Variants in TOM1L1 observed in about 807,000 individuals in gnomAD.
TOM1L1 encodes target of myb1 like 1 membrane trafficking protein.
TOM1L1 carries 64 observed loss-of-function variants against 63.4 expected under a neutral mutation model. The ratio of observed to expected loss-of-function variants is 1.01; its 90% confidence interval spans 0.83 to 1.24. The LOEUF is 1.24. Among genes scored for constraint, TOM1L1 ranks in the 50% most tolerant of loss-of-function variants. The probability of loss-of-function intolerance (pLI) is 0.00; values close to 1 mark genes in which losing one functional copy is unlikely to be tolerated. For missense variants in TOM1L1, 536 were observed against 567.0 expected, an observed-to-expected ratio of 0.95 and a Z score of 0.55; for synonymous variants, 166 against 194.4, an observed-to-expected ratio of 0.85 and a Z score of 1.22.
chr17:54,914,666 A>G lies in TOM1L1; in HGVS notation c.526A>G (p.Thr176Ala). The part of the protein sequence containing the change: ...ETAQISSNPP[T>A]SVPTAPALSS... ...TGCTCAAATCTCATCAAATCCTCCAACATCTGTCCCTACTGCACCAGCTCT... is the reference window on the plus strand; with the variant it reads ...TGCTCAAATCTCATCAAATCCTCCAGCATCTGTCCCTACTGCACCAGCTCT... The change falls in exon 6 of 16, where the codon ACA becomes GCA. Residue 176 changes from threonine to alanine, a missense_variant. By Grantham distance (58) the Thr-to-Ala change is moderately conservative. Coordinates refer to ENST00000575882, the MANE Select transcript of TOM1L1 (RefSeq NM_005486.3). 1 of 1,613,846 alleles carries G rather than the reference A, an allele frequency of 6.2e-7. No individual in the cohort carries two copies. The highest frequency in any genetic ancestry group is 1.1e-5 in the South Asian group (1 of 91,082).
intron 8 of TOM1L1, among the ~76,000 whole-genome samples, chr17:54,932,063 TCCTGCCTCAG>T (rs2048871050): frequency 6.6e-6 from 1 of 151,858 alleles, no homozygotes; most frequent in African/African-American, 2.4e-5. Flanking sequence ...CAGGCGATTC[TCCTGCCTCAG>T]CCTGTAGCAG....
intron 1 of TOM1L1, among the ~76,000 whole-genome samples, chr17:54,901,967 C>T (rs1016043425): frequency 1.3e-5 from 2 of 152,082 alleles, no homozygotes; most frequent in Middle Eastern, 3.4e-3. Context: ...CATAGGCAAA[C>T]GAAACTTCAG....
At chr17:54,944,213 C>T (rs935163448) in intron 11 of TOM1L1, among the ~76,000 whole-genome samples, 3 of 151,138 alleles carry the variant, frequency 2.0e-5, no homozygotes, top group East Asian at 1.9e-4. Flanking sequence ...TTTGGGAGGA[C>T]GAGGTGGGTG....
intron 14 of TOM1L1, among the ~76,000 whole-genome samples, chr17:54,951,507 A>G (rs1177159579): frequency 6.6e-6 from 1 of 152,158 alleles, no homozygotes. Context: ...GGCAGGTGAA[A>G]GGAGGACTAG....
chr17:54,929,575 TCTG>T (rs1785716279), intron 7 of TOM1L1, among the ~76,000 whole-genome samples: 2 of 152,348 alleles, frequency 1.3e-5, no homozygotes, highest in Admixed American at 6.5e-5. Context: ...TTTAACTACT[TCTG>T]CTACTGCTAA....
intron 7 of TOM1L1, chr17:54,917,315 A>G (rs1196705972): frequency 6.6e-6 from 1 of 151,982 alleles, no homozygotes; most frequent in Non-Finnish European, 1.5e-5. Flanking sequence ...GTCTCTTAAC[A>G]TTTCTTTTAT....
At chr17:54,909,163 G>A (rs941837603) in intron 3 of TOM1L1, among the ~76,000 whole-genome samples, 37 of 152,184 alleles carry the variant, frequency 2.4e-4, no homozygotes, top group African/African-American at 8.9e-4. Flanking sequence ...GGAGGCTGAG[G>A]CAGGAAAATT....
intron 11 of TOM1L1, among the ~76,000 whole-genome samples, chr17:54,943,027 TTGAG>T (rs1886022298): frequency 1.3e-5 from 2 of 152,226 alleles, no homozygotes; most frequent in African/African-American, 4.8e-5. Flanking sequence ...TATTGGTTGA[TTGAG>T]TCTTTTATCA....
chr17:54,961,258 T>TC lies in TOM1L1; in HGVS notation c.*25_*26insC. On this transcript the variant is annotated 3_prime_UTR_variant, in exon 16 of 16. Transcript: ENST00000575882. ...AGAAGAAAGTGGATGATCAGCTCAC[T>TC]ACCACATCAAAGGTGCCAACTCTCT... 1 of 1,550,368 alleles carries TC rather than the reference T, an allele frequency of 6.5e-7. No individual in the cohort carries two copies. Among genetic ancestry groups the TC allele is most frequent in the Non-Finnish European group, 8.7e-7 (1 of 1,145,798 alleles).
At chr17:54,932,151 A>AATAAC (rs1354999155) in intron 8 of TOM1L1, among the ~76,000 whole-genome samples, 61 of 152,126 alleles carry the variant, frequency 4.0e-4, no homozygotes, top group Middle Eastern at 3.4e-3. Context: ...GGCCAGGGGC[A>AATAAC]TTGGCAAGAC....
intron 2 of TOM1L1, among the ~76,000 whole-genome samples, chr17:54,904,494 G>T (rs548117641): frequency 1.0e-3 from 154 of 152,240 alleles, no homozygotes; most frequent in Non-Finnish European, 1.9e-3. Context: ...TTGACTCCCG[G>T]TGGTGACCTA....
chr17:54,928,873 G>A (rs2048811575), intron 7 of TOM1L1, among the ~76,000 whole-genome samples: 1 of 152,032 alleles, frequency 6.6e-6, no homozygotes, highest in Admixed American at 6.5e-5. Context: ...TTTTTTAGAG[G>A]GTAGTGGCTT....
chr17:54,940,521 A>T (rs907025598), intron 11 of TOM1L1, among the ~76,000 whole-genome samples: 1 of 152,226 alleles, frequency 6.6e-6, no homozygotes, highest in Non-Finnish European at 1.5e-5. Context: ...TGTTTACAAA[A>T]TTATTCTTTA....
intron 11 of TOM1L1, among the ~76,000 whole-genome samples, chr17:54,942,855 A>C (rs1172177722): frequency 6.6e-6 from 1 of 152,184 alleles, no homozygotes; most frequent in Admixed American, 6.5e-5. Flanking sequence ...CCTGACCCTC[A>C]ATCCCCAGCA....
At chr17:54,911,699 A>T (rs7222890) in intron 3 of TOM1L1, among the ~76,000 whole-genome samples, 104,237 of 152,088 alleles carry the variant, frequency 0.69, 36,511 homozygotes, top group African/African-American at 0.83. Context: ...CTTTTCTATA[A>T]CATGCCTGAA....
chr17:54,922,608 A>G (rs1363688770), intron 7 of TOM1L1, among the ~76,000 whole-genome samples: 1 of 152,344 alleles, frequency 6.6e-6, no homozygotes, highest in African/African-American at 2.4e-5. Context: ...TAAAAATTAA[A>G]AAAGAAAAAT....
chr17:54,947,043 C>T (rs890392716), intron 11 of TOM1L1, among the ~76,000 whole-genome samples: 3 of 152,140 alleles, frequency 2.0e-5, no homozygotes, highest in East Asian at 1.9e-4. Context: ...CTTAGTGTTC[C>T]GTGCACACTC....
intron 8 of TOM1L1, among the ~76,000 whole-genome samples, chr17:54,933,394 A>G (rs9891704): frequency 0.29 from 43,972 of 152,220 alleles, 6,395 homozygotes; most frequent in Middle Eastern, 0.31. Context: ...AATGTGAACC[A>G]AAAGTATCTG....
intron 8 of TOM1L1, among the ~76,000 whole-genome samples, chr17:54,934,977 C>G (rs1178502236): frequency 1.3e-5 from 2 of 152,146 alleles, no homozygotes; most frequent in Admixed American, 1.3e-4. Flanking sequence ...CTCAGCCTCC[C>G]AAAGTGCTGG....
Sources: gnomAD v4.1 joint callset for allele counts (sites outside exome capture counted in the v4.1 genomes callset) on GRCh38, gnomAD v4.1.1 for gene constraint, MANE v1.5 for transcripts, NCBI Gene and HGNC (gene_info 2026-07-23, HGNC 2026-07-21) for gene names.